Variants in RASGRF2 observed in about 807,000 individuals in gnomAD.
RASGRF2 encodes the protein ras-specific guanine nucleotide-releasing factor 2.
In RASGRF2, 76 loss-of-function variants were observed where a neutral mutation model predicts 151.0. The observed-to-expected ratio is 0.50, with a 90% CI of 0.42 to 0.61. The LOEUF (loss-of-function observed/expected upper bound fraction) is 0.61, where lower values mean the gene tolerates loss of function less well. Ranked by LOEUF, RASGRF2 falls within the 20% of genes least tolerant of loss-of-function variation. The pLI is 0.00. For missense variants in RASGRF2, 1,148 were observed against 1,564.6 expected (o/e 0.73, Z 4.49); for synonymous variants, 504 against 566.5 (o/e 0.89, Z 1.57).
intron 1 of RASGRF2, among the ~76,000 whole-genome samples, chr5:81,028,383 T>G (rs562010851): frequency 1.3e-5 from 2 of 152,248 alleles, no homozygotes; most frequent in Admixed American, 1.3e-4. Flanking sequence ...ATTTCCTAAT[T>G]GTTTGTATTT....
chr5:81,048,287 T>C (rs897995498), intron 2 of RASGRF2, among the ~76,000 whole-genome samples: 1 of 152,210 alleles, frequency 6.6e-6, no homozygotes, highest in Non-Finnish European at 1.5e-5. Flanking sequence ...AAGGTATTAT[T>C]ATTATTATTT....
At chr5:80,998,390 A>G (rs1412702560) in intron 1 of RASGRF2, among the ~76,000 whole-genome samples, 1 of 152,140 alleles carries the variant, frequency 6.6e-6, no homozygotes, top group African/African-American at 2.4e-5. Flanking sequence ...TGAGATTTAA[A>G]TGATCATCTG....
intron 9 of RASGRF2, chr5:81,088,101 A>T (rs73766182): frequency 0.022 from 3,423 of 152,340 alleles, 114 homozygotes; most frequent in African/African-American, 0.067. Flanking sequence ...TAAGGGTGGA[A>T]TATAATGCTG....
At chr5:81,198,664 C>T (rs1262348860) in intron 18 of RASGRF2, among the ~76,000 whole-genome samples, 3 of 152,180 alleles carry the variant, frequency 2.0e-5, no homozygotes, top group African/African-American at 4.8e-5. Context: ...TGGTCTCGAT[C>T]TCCTGACCTC....
At chr5:81,138,059 C>T (rs1216555366) in intron 17 of RASGRF2, among the ~76,000 whole-genome samples, 1 of 70,704 alleles carries the variant, frequency 1.4e-5, no homozygotes. Context: ...TGTTTCCCTT[C>T]ACAACTTGGG....
At chr5:81,073,589 C>A in intron 5 of RASGRF2, 137 bp downstream of exon 5, 1 of 856,822 alleles carries the variant, frequency 1.2e-6, no homozygotes, top group Non-Finnish European at 1.6e-6. Flanking sequence ...AAAGCTATTA[C>A]TTGTGTTCCA....
intron 18 of RASGRF2, among the ~76,000 whole-genome samples, chr5:81,186,426 C>G (rs7732077): frequency 0.015 from 2,329 of 152,184 alleles, 68 homozygotes; most frequent in African/African-American, 0.054. Flanking sequence ...AGGACAAAAT[C>G]CTTTATCTGT....
At chr5:81,111,436 A>G (rs153224) in intron 13 of RASGRF2, among the ~76,000 whole-genome samples, 111,035 of 152,140 alleles carry the variant, frequency 0.73, 40,901 homozygotes, top group Middle Eastern at 0.84. Context: ...GGATTGCAGG[A>G]TGGCAGTGGT....
chr5:81,021,958 T>C (rs1190489073), intron 1 of RASGRF2, among the ~76,000 whole-genome samples: 1 of 152,174 alleles, frequency 6.6e-6, no homozygotes, highest in Non-Finnish European at 1.5e-5. Flanking sequence ...TGCATTCTTG[T>C]GCTGAGTCAG....
At chr5:81,167,755 A>C (rs1754546269) in intron 17 of RASGRF2, among the ~76,000 whole-genome samples, 1 of 152,132 alleles carries the variant, frequency 6.6e-6, no homozygotes, top group South Asian at 2.1e-4. Flanking sequence ...TGGAAAGATC[A>C]AAGGTGGGGA....
chr5:81,038,436 AT>A (rs1167258772), intron 1 of RASGRF2, among the ~76,000 whole-genome samples: 3 of 152,010 alleles, frequency 2.0e-5, no homozygotes. Context: ...CATTTCCCTG[AT>A]TATGAGTACA....
intron 15 of RASGRF2, among the ~76,000 whole-genome samples, chr5:81,121,756 C>T (rs1753314423): frequency 6.6e-6 from 1 of 152,158 alleles, no homozygotes; most frequent in Non-Finnish European, 1.5e-5. Context: ...TATCCAGATT[C>T]CACCCAGTGA....
At chr5:81,198,700 A>C (rs1755323789) in intron 18 of RASGRF2, among the ~76,000 whole-genome samples, 1 of 152,180 alleles carries the variant, frequency 6.6e-6, no homozygotes, top group Non-Finnish European at 1.5e-5. Context: ...CAGCCTCCCA[A>C]AATGCTGGGA....
chr5:81,099,353 C>T (rs1271120677), intron 12 of RASGRF2, among the ~76,000 whole-genome samples: 2 of 152,150 alleles, frequency 1.3e-5, no homozygotes, highest in Non-Finnish European at 2.9e-5. Context: ...CAATTTACTG[C>T]TTTTATAGCT....
At chr5:81,128,605 A>G (rs1753533587) in intron 17 of RASGRF2, among the ~76,000 whole-genome samples, 1 of 152,108 alleles carries the variant, frequency 6.6e-6, no homozygotes, top group African/African-American at 2.4e-5. Flanking sequence ...AAGCATATGC[A>G]AGGTGGGAGG....
At chr5:81,030,622 A>G (rs913097943) in intron 1 of RASGRF2, among the ~76,000 whole-genome samples, 6 of 152,168 alleles carry the variant, frequency 3.9e-5, no homozygotes, top group Non-Finnish European at 8.8e-5. Context: ...TCACCACCAG[A>G]CCTGCCTTAC....
At chr5:81,080,834 A>G (rs1752066228) in intron 7 of RASGRF2, 45 bp downstream of exon 7, 1 of 1,559,240 alleles carries the variant, frequency 6.4e-7, no homozygotes, top group South Asian at 1.2e-5. Context: ...TTTCCAGCTC[A>G]ATGTCACTGA....
chr5:81,093,717 G>A (rs1752457659), intron 10 of RASGRF2, among the ~76,000 whole-genome samples: 1 of 152,142 alleles, frequency 6.6e-6, no homozygotes, highest in East Asian at 1.9e-4. Context: ...ACAAGTGTGA[G>A]CCACTGTGCC....
intron 26 of RASGRF2, chr5:81,223,419 A>T (rs1755898719): frequency 1.3e-5 from 2 of 152,148 alleles, no homozygotes; most frequent in Admixed American, 1.3e-4. Context: ...AGGCGGGCGG[A>T]TCACAAGGTC....
Sources: allele counts gnomAD v4.1 joint callset (sites outside exome capture counted in the v4.1 genomes callset), GRCh38; gene constraint gnomAD v4.1.1; transcripts MANE v1.5; gene names NCBI Gene and HGNC (gene_info 2026-07-23, HGNC 2026-07-21).